Variants in STRN3 observed in about 807,000 individuals in gnomAD.
STRN3 encodes the protein striatin 3.
In STRN3, 29 loss-of-function variants were observed where a neutral mutation model predicts 95.6. The ratio of observed to expected loss-of-function variants is 0.30; its 90% CI spans 0.23 to 0.41. The LOEUF (loss-of-function observed/expected upper bound fraction) is 0.41, where lower values mean the gene tolerates loss of function less well. Ranked by LOEUF, STRN3 falls within the 10% of genes least tolerant of loss-of-function variation. STRN3 has a pLI of 1.00. For missense variants in STRN3, 890 were observed against 972.1 expected, an observed-to-expected ratio of 0.92 and a Z score of 1.12; for synonymous variants, 331 against 357.6, an observed-to-expected ratio of 0.93 and a Z score of 0.84.
At chr14:30,974,787 C>T (rs941299616) in intron 1 of STRN3, among the ~76,000 whole-genome samples, 8 of 147,226 alleles carry the variant, frequency 5.4e-5, no homozygotes, top group Admixed American at 4.1e-4. Flanking sequence ...GCCTGGGTGA[C>T]GGAGTAAGAC....
rs74040941 is a variant in STRN3 at position 30,910,338 on chromosome 14, A to T, written c.1720+703T>A. Among the ~76,000 whole-genome samples the T allele has an allele frequency of 5.2e-3, 786 of 152,306 alleles. 3 individuals are homozygous for T. Among genetic ancestry groups the T allele is most frequent in the African/African-American group, 0.018 (729 of 41,568 alleles). On this transcript the variant is annotated intron_variant, in intron 13 of 17. Coordinates refer to ENST00000357479, the MANE Select transcript of STRN3 (RefSeq NM_001083893.2). The stretch of plus-strand genomic sequence containing the variant: ...CTTCGCTTATCTGTTTTATGTCTCT[A>T]CTTTCCATTAGTCTAAATCTTATTT...
chr14:30,950,173 A>G (rs1436091235), intron 4 of STRN3, among the ~76,000 whole-genome samples: 2 of 152,210 alleles, frequency 1.3e-5, no homozygotes. Context: ...TTTAAAAATC[A>G]TGGTAAAGTC....
intron 1 of STRN3, among the ~76,000 whole-genome samples, chr14:31,013,806 G>A (rs1393497755): frequency 6.6e-6 from 1 of 150,932 alleles, no homozygotes; most frequent in Admixed American, 6.6e-5. Flanking sequence ...TGTTGCCCAG[G>A]CTGGTCTCGA....
chr14:30,920,716 C>T (rs1422860360), intron 8 of STRN3, among the ~76,000 whole-genome samples: 5 of 152,064 alleles, frequency 3.3e-5, no homozygotes, highest in Non-Finnish European at 5.9e-5. Flanking sequence ...TTTCTATCTC[C>T]AAGCTCCATT....
intron 1 of STRN3, among the ~76,000 whole-genome samples, chr14:30,956,882 AGGC>A (rs1291098214): frequency 2.6e-5 from 4 of 152,258 alleles, no homozygotes; most frequent in Non-Finnish European, 4.4e-5. Flanking sequence ...AATCTGAGCT[AGGC>A]ACGTGGCTCA....
intron 1 of STRN3, among the ~76,000 whole-genome samples, chr14:30,977,686 G>C (rs530883856): frequency 6.7e-6 from 1 of 149,118 alleles, no homozygotes; most frequent in East Asian, 2.0e-4. Context: ...CCAGCTACTC[G>C]AGAGGCTGAG....
At chr14:31,013,328 G>A (rs1012499282) in intron 1 of STRN3, among the ~76,000 whole-genome samples, 12 of 151,068 alleles carry the variant, frequency 7.9e-5, no homozygotes, top group African/African-American at 2.2e-4. Context: ...AGCCAAGATC[G>A]CATCACCACA....
intron 1 of STRN3, among the ~76,000 whole-genome samples, chr14:31,002,992 G>A (rs935321885): frequency 2.6e-5 from 4 of 152,172 alleles, no homozygotes; most frequent in Middle Eastern, 3.4e-3. Flanking sequence ...GGCCGGGCAC[G>A]GTGGCTCATG....
At chr14:30,947,327 T>C in intron 4 of STRN3, 64 bp from the exon 5 acceptor site, 1 of 1,350,272 alleles carries the variant, frequency 7.4e-7, no homozygotes, top group Non-Finnish European at 1.0e-6. Context: ...CAAAATCACA[T>C]CAAATTTTAG....
intron 1 of STRN3, among the ~76,000 whole-genome samples, chr14:31,023,821 A>G (rs1382807122): frequency 1.3e-5 from 1 of 79,500 alleles, no homozygotes; most frequent in Non-Finnish European, 2.5e-5. Flanking sequence ...AAACATTTTA[A>G]ATATATAACT....
chr14:30,900,877 T>C (rs1896296260), intron 16 of STRN3, among the ~76,000 whole-genome samples: 1 of 152,128 alleles, frequency 6.6e-6, no homozygotes, highest in African/African-American at 2.4e-5. Context: ...TTTGAAAGAC[T>C]ATATGCTGCT....
intron 6 of STRN3, among the ~76,000 whole-genome samples, chr14:30,935,506 T>C (rs1232311558): frequency 6.6e-6 from 1 of 152,232 alleles, no homozygotes; most frequent in Non-Finnish European, 1.5e-5. Context: ...ATCTAAGTAA[T>C]GTGGCACTAA....
At chr14:30,905,023 G>A (rs1566427006) in intron 15 of STRN3, among the ~76,000 whole-genome samples, 1 of 150,390 alleles carries the variant, frequency 6.6e-6, no homozygotes, top group Non-Finnish European at 1.5e-5. Flanking sequence ...AGAGAGACCT[G>A]AGAGACCTAT....
chr14:30,999,878 CAATAAA>C (rs1264334842), intron 1 of STRN3, among the ~76,000 whole-genome samples: 1 of 151,948 alleles, frequency 6.6e-6, no homozygotes, highest in Non-Finnish European at 1.5e-5. Context: ...GATTAAAAGC[CAATAAA>C]AATAAGAAAA....
chr14:31,020,271 G>A (rs1474886570), intron 1 of STRN3, among the ~76,000 whole-genome samples: 2 of 152,162 alleles, frequency 1.3e-5, no homozygotes, highest in Non-Finnish European at 2.9e-5. Flanking sequence ...GGCCAAGGCA[G>A]GCGGATTACT....
intron 7 of STRN3, among the ~76,000 whole-genome samples, chr14:30,930,320 G>A (rs1878468144): frequency 6.6e-6 from 1 of 152,098 alleles, no homozygotes; most frequent in South Asian, 2.1e-4. Flanking sequence ...TGATAACTCA[G>A]TATATTCTGG....
intron 3 of STRN3, among the ~76,000 whole-genome samples, chr14:30,954,012 A>C (rs1009319111): frequency 6.6e-6 from 1 of 152,122 alleles, no homozygotes; most frequent in South Asian, 2.1e-4. Context: ...TCCTAACACC[A>C]ATGTCGACGA....
At chr14:30,955,501 A>G in intron 3 of STRN3, 119 bp downstream of exon 3, 1 of 788,870 alleles carries the variant, frequency 1.3e-6, no homozygotes, top group Non-Finnish European at 1.9e-6. Context: ...CCCAAATTCT[A>G]GACAGTTTAC....
At position 30,929,239 on chromosome 14, in the gene STRN3, T is replaced by TTATTA; in HGVS notation, c.1060_1061insTAATA (p.Gln354LeufsTer14). On this transcript the variant is annotated frameshift_variant, in exon 8 of 18. Transcript: ENST00000357479. LOFTEE classifies it high-confidence loss of function. The stretch of plus-strand genomic sequence containing the variant: ...CTTCCCCTTTCGTTCCTTCTTGTAC[T>TTATTA]GTTCCTTCAGTTTACTTATTAGTCC... The TTATTA allele has an allele frequency of 1.2e-6, 2 of 1,613,552 alleles. No homozygotes were observed. Among genetic ancestry groups the TTATTA allele is most frequent in the South Asian group, 1.1e-5 (1 of 91,022 alleles).
Sources: allele counts gnomAD v4.1 joint callset (sites outside exome capture counted in the v4.1 genomes callset), GRCh38; gene constraint gnomAD v4.1.1; transcripts MANE v1.5; gene names NCBI Gene and HGNC (gene_info 2026-07-23, HGNC 2026-07-21).